CTNNA2: variants seen among roughly 807,000 people sequenced by gnomAD.
The protein encoded by CTNNA2 is catenin alpha-2.
Under a neutral mutation model 101.0 loss-of-function variants are expected in CTNNA2, and 42 were observed. The ratio of observed to expected loss-of-function variants is 0.42; its 90% CI spans 0.32 to 0.54. CTNNA2 has a LOEUF of 0.54. CTNNA2 is among the 20% of genes least tolerant of loss of function. CTNNA2 has a pLI of 0.14. For synonymous variants in CTNNA2, 450 were observed against 456.4 expected (o/e 0.99, Z 0.18); for missense variants, 871 against 1,223.1 (o/e 0.71, Z 4.29).
intron 4 of CTNNA2, among the ~76,000 whole-genome samples, chr2:79,488,079 GC>G (rs1299210253): frequency 6.6e-6 from 1 of 151,904 alleles, no homozygotes; most frequent in African/African-American, 2.4e-5. Flanking sequence ...ACTTTGGGAG[GC>G]CCAGCAATCC....
At chr2:80,569,580 T>A (rs994499845) in intron 12 of CTNNA2, among the ~76,000 whole-genome samples, 1 of 151,438 alleles carries the variant, frequency 6.6e-6, no homozygotes, top group Non-Finnish European at 1.5e-5. Context: ...CAGCATCATA[T>A]TTGAGGAAGT....
Position 79,451,571 on chromosome 2 carries a change from A to G in CTNNA2, c.-134-53483A>G, listed in dbSNP as rs80013148. Among the ~76,000 whole-genome samples the G allele has an allele frequency of 0.011, 1,626 of 152,070 alleles. 79 individuals carry two copies. The East Asian group carries it at 0.13, about 12-fold the overall frequency. On this transcript the variant is annotated intron_variant, in intron 4 of 21. Coordinates refer to the CTNNA2 transcript ENST00000466387. Reference sequence around the variant, plus strand: ...GATGAAGAGACTGGAGTTAAAAAAAATACTGAGTGATTTTCCTAAAGTCAG... The same window carrying G: ...GATGAAGAGACTGGAGTTAAAAAAAGTACTGAGTGATTTTCCTAAAGTCAG...
intron 7 of CTNNA2, among the ~76,000 whole-genome samples, chr2:79,975,749 T>C (rs1296296524): frequency 6.6e-6 from 1 of 152,234 alleles, no homozygotes; most frequent in African/African-American, 2.4e-5. Flanking sequence ...AAGACATGTG[T>C]TAGGGCAAGG....
intron 1 of CTNNA2, among the ~76,000 whole-genome samples, chr2:79,555,813 A>G (rs773839678): frequency 2.6e-5 from 4 of 152,144 alleles, no homozygotes; most frequent in Non-Finnish European, 4.4e-5. Context: ...AAGTTCATAC[A>G]GCTCCTTATT....
At chr2:80,134,444 T>C (rs973143044) in intron 7 of CTNNA2, among the ~76,000 whole-genome samples, 2 of 152,180 alleles carry the variant, frequency 1.3e-5, no homozygotes, top group Non-Finnish European at 2.9e-5. Context: ...AACCCGCTAA[T>C]GACCCAGCTT....
intron 2 of CTNNA2, among the ~76,000 whole-genome samples, chr2:79,297,785 C>T (rs924984989): frequency 2.6e-5 from 4 of 152,156 alleles, no homozygotes; most frequent in Non-Finnish European, 5.9e-5. Context: ...TGTCAAACTG[C>T]TTTAACTCTA....
chr2:80,223,027 G>T (rs1330191251), intron 7 of CTNNA2, among the ~76,000 whole-genome samples: 1 of 152,100 alleles, frequency 6.6e-6, no homozygotes, highest in Non-Finnish European at 1.5e-5. Flanking sequence ...GTAATTGATT[G>T]TACTCATGCA....
chr2:80,523,256 A>G (rs931197639), intron 9 of CTNNA2, among the ~76,000 whole-genome samples: 2 of 152,192 alleles, frequency 1.3e-5, no homozygotes, highest in African/African-American at 4.8e-5. Flanking sequence ...ATGGGTGAGC[A>G]GAAAGGAAAG....
chr2:80,058,995 C>G (rs928348605), intron 7 of CTNNA2, among the ~76,000 whole-genome samples: 5 of 152,196 alleles, frequency 3.3e-5, no homozygotes. Flanking sequence ...TAATACCAGT[C>G]TTCCTTCTTT....
chr2:79,557,179 C>A (rs1674498229), intron 1 of CTNNA2, among the ~76,000 whole-genome samples: 1 of 152,026 alleles, frequency 6.6e-6, no homozygotes, highest in Non-Finnish European at 1.5e-5. Flanking sequence ...CAATAGCCCT[C>A]AATACATAAA....
rs532757961 is a variant in CTNNA2, at chr2:79,873,589, T to G, written c.586-487T>G. Among the ~76,000 whole-genome samples, 179 of 152,178 alleles carry G rather than the reference T, an allele frequency of 1.2e-3. 1 individual carries two copies. Among genetic ancestry groups the G allele is most frequent in the African/African-American group, 4.1e-3 (172 of 41,518 alleles). On this transcript the variant is annotated intron_variant, in intron 5 of 18. Transcript: ENST00000402739. Reference sequence around the variant, plus strand: ...AAAGGGTAGGGCAGAGGAGGAAAGCTCAGGCATTTCACATAGAAGGGACAG... The same window carrying G: ...AAAGGGTAGGGCAGAGGAGGAAAGCGCAGGCATTTCACATAGAAGGGACAG...
At chr2:80,326,255 C>G (rs1482031741) in intron 7 of CTNNA2, among the ~76,000 whole-genome samples, 2 of 152,196 alleles carry the variant, frequency 1.3e-5, no homozygotes, top group Non-Finnish European at 2.9e-5. Context: ...TATCCAAAAA[C>G]TGCCATGCTG....
chr2:80,596,244 C>T (rs146191110), intron 15 of CTNNA2, among the ~76,000 whole-genome samples: 24 of 108,148 alleles, frequency 2.2e-4, no homozygotes, highest in African/African-American at 3.7e-4. Context: ...AGTTGCTTAT[C>T]GACTTAAGGA....
At chr2:79,896,156 G>C (rs928616320) in intron 6 of CTNNA2, among the ~76,000 whole-genome samples, 3 of 152,054 alleles carry the variant, frequency 2.0e-5, no homozygotes, top group Admixed American at 2.0e-4. Flanking sequence ...GGTGCCATGT[G>C]CCTGTAGTCC....
chr2:79,608,452 C>A (rs191109287), intron 1 of CTNNA2, among the ~76,000 whole-genome samples: 1 of 151,794 alleles, frequency 6.6e-6, no homozygotes, highest in Admixed American at 6.6e-5. Context: ...GGTGAAAATA[C>A]CAAAAGAAAA....
At chr2:80,218,887 C>G (rs1708418229) in intron 7 of CTNNA2, among the ~76,000 whole-genome samples, 1 of 152,128 alleles carries the variant, frequency 6.6e-6, no homozygotes. Flanking sequence ...TAGGATAATA[C>G]TTATTATGAG....
chr2:79,560,329 G>T (rs1674699258), intron 1 of CTNNA2, among the ~76,000 whole-genome samples: 1 of 151,906 alleles, frequency 6.6e-6, no homozygotes, highest in Non-Finnish European at 1.5e-5. Flanking sequence ...AGGAGAGATT[G>T]GGTGTAGCAG....
chr2:80,065,146 C>T (rs372139897), intron 7 of CTNNA2, among the ~76,000 whole-genome samples: 82 of 151,840 alleles, frequency 5.4e-4, no homozygotes, highest in Non-Finnish European at 9.1e-4. Flanking sequence ...ATTGAATAGA[C>T]CCATGGAAAA....
intron 7 of CTNNA2, among the ~76,000 whole-genome samples, chr2:79,987,054 G>A (rs1410333442): frequency 1.3e-5 from 2 of 152,150 alleles, no homozygotes; most frequent in African/African-American, 2.4e-5. Context: ...GGCCCAGAGT[G>A]CTGTGTGGTG....
Sources: gnomAD v4.1 joint callset for allele counts (sites outside exome capture counted in the v4.1 genomes callset) on GRCh38, gnomAD v4.1.1 for gene constraint, MANE v1.5 for transcripts, NCBI Gene and HGNC (gene_info 2026-07-23, HGNC 2026-07-21) for gene names.